Variants in CDK10 observed in about 807,000 individuals in gnomAD.
CDK10 encodes the protein cyclin dependent kinase 10.
CDK10 carries 55 observed loss-of-function variants against 51.0 expected under a neutral mutation model. The observed-to-expected ratio is 1.08, with a 90% CI of 0.87 to 1.35. The LOEUF (loss-of-function observed/expected upper bound fraction) is 1.35, where lower values mean the gene tolerates loss of function less well. CDK10 is among the 40% of genes most tolerant of loss of function. The probability of loss-of-function intolerance (pLI) is 0.00; values close to 1 mark genes in which losing one functional copy is unlikely to be tolerated. For synonymous variants in CDK10, 255 were observed against 199.1 expected (o/e 1.28, Z -2.36); for missense variants, 589 against 485.1 (o/e 1.21, Z -2.01).
At chr16:89,691,998 C>G in intron 5 of CDK10, 111 bp downstream of exon 5, 1 of 810,978 alleles carries the variant, frequency 1.2e-6, no homozygotes, top group Non-Finnish European at 2.0e-6. Flanking sequence ...GCTGCCTCTG[C>G]CTCCACCTCC....
chr16:89,690,668 G>A (rs375985038), intron 3 of CDK10, 44 bp downstream of exon 3: 19 of 1,513,682 alleles, frequency 1.3e-5, no homozygotes, highest in South Asian at 1.1e-4. Flanking sequence ...CTGGGAGGAG[G>A]CAGAAGGATG....
At chr16:89,692,749 G>T (rs1171768500) in intron 6 of CDK10, 2 of 391,724 alleles carry the variant, frequency 5.1e-6, no homozygotes, top group African/African-American at 2.1e-5. Context: ...AAAGTGCTGG[G>T]ATTACAGGTG....
rs1384538840 is a variant in CDK10 at position 89,694,704 on chromosome 16, G to C, written c.708G>C (p.Arg236Ser). The change falls in exon 10 of 13, where the codon AGG becomes AGC. Residue 236 changes from arginine (R) to serine (S), a missense_variant. Transcript: ENST00000353379. ...TACTGGCCGAGCTGCTGGCGCACAG[G>C]CCTCTTCTCCCCGGCACTTCCGAGA... The part of the protein sequence containing the change: ...GCILAELLAH[R>S]PLLPGTSEIH... 1 of 1,586,930 alleles carries C rather than the reference G, an allele frequency of 6.3e-7. No individual in the cohort carries two copies. The highest frequency in any genetic ancestry group is 8.6e-7 in the Non-Finnish European group (1 of 1,167,476).
intron 1 of CDK10, among the ~76,000 whole-genome samples, chr16:89,687,988 G>C (rs2060273204): frequency 6.6e-6 from 1 of 151,720 alleles, no homozygotes; most frequent in Non-Finnish European, 1.5e-5. Context: ...GAGGTGGGAG[G>C]ATTGCTTGAG....
chr16:89,694,871 T>C (rs2060635199), intron 10 of CDK10, 60 bp from the exon 11 acceptor site: 1 of 1,537,466 alleles, frequency 6.5e-7, no homozygotes, highest in East Asian at 2.5e-5. Context: ...CCACGCCCTC[T>C]GCGCCCGCAG....
intron 3 of CDK10, among the ~76,000 whole-genome samples, chr16:89,691,068 C>G (rs925383487): frequency 1.3e-5 from 2 of 152,176 alleles, no homozygotes; most frequent in African/African-American, 4.8e-5. Flanking sequence ...GGCGGATCAC[C>G]TGAGGTCGGC....
chr16:89,691,436 T>A lies in CDK10; in HGVS notation c.233-7T>A, dbSNP rs562096833. The A allele has an allele frequency of 1.1e-5, 17 of 1,597,570 alleles. No individual in the cohort carries two copies. The African/African-American group carries it at 2.1e-4, about 20-fold the overall frequency. On this transcript the variant is annotated splice_polypyrimidine_tract_variant and splice_region_variant and intron_variant, in intron 3 of 12. Coordinates refer to ENST00000353379, the MANE Select transcript of CDK10 (RefSeq NM_052988.5). ...GTGGGGCTCGCTGAGGCCACCTCCCTCCCCAGGCATCCCCATCAGCAGCTT... is the reference window on the plus strand; with the variant it reads ...GTGGGGCTCGCTGAGGCCACCTCCCACCCCAGGCATCCCCATCAGCAGCTT...
At chr16:89,693,785 A>G (rs939400582) in intron 8 of CDK10, 2 of 547,092 alleles carry the variant, frequency 3.7e-6, no homozygotes, top group East Asian at 6.3e-5. Flanking sequence ...GGCAGCTTGC[A>G]TGCTTTCCCT....
At chr16:89,689,575 C>G (rs148903612) in intron 2 of CDK10, 9 of 471,990 alleles carry the variant, frequency 1.9e-5, no homozygotes, top group Middle Eastern at 5.9e-4. Flanking sequence ...GTACACAGAA[C>G]TGTTAGAGAA....
intron 10 of CDK10, 64 bp downstream of exon 10, chr16:89,694,852 C>T (rs1250459455): frequency 2.6e-6 from 4 of 1,519,842 alleles, no homozygotes; most frequent in South Asian, 1.2e-5. Flanking sequence ...CCGCAGCCCC[C>T]GCCCGTGCCC....
In CDK10 at chr16:89,695,729, G is replaced by T. The variant is rs775335780; in HGVS notation, c.*37G>T. On this transcript the variant is annotated 3_prime_UTR_variant, in exon 13 of 13. Coordinates refer to ENST00000353379, the MANE Select transcript of CDK10 (RefSeq NM_052988.5). ...GCACACGCCTGTATTCCCACACCAGGTCTTCCGATCAGTGGTGTCTGTGAA... is the reference window on the plus strand; with the variant it reads ...GCACACGCCTGTATTCCCACACCAGTTCTTCCGATCAGTGGTGTCTGTGAA... The T allele has an allele frequency of 1.9e-6, 3 of 1,591,040 alleles. No homozygotes were observed. The South Asian group carries it at 3.4e-5, about 18-fold the overall frequency.
chr16:89,689,270 G>A lies in CDK10; in HGVS notation c.106G>A (p.Val36Met), dbSNP rs1452795267. 1.2e-6 allele frequency: 2 copies of A among 1,614,150 alleles called. No homozygotes were observed. The highest frequency in any genetic ancestry group is 1.7e-6 in the Non-Finnish European group (2 of 1,180,020). Residue 36 changes from valine (V) to methionine (M), a missense_variant, in exon 2 of 13, where the codon GTG (valine) becomes ATG (methionine). By Grantham distance (21) the Val-to-Met change is conservative. Coordinates refer to ENST00000353379, the MANE Select transcript of CDK10 (RefSeq NM_052988.5). ...PEHRLGRCRS[V>M]KEFEKLNRIG... ...GTTTCAGCTGGGACGATGCCGGAGTGTGAAGGAGTTTGAGAAGCTGAACCG... is the reference window on the plus strand; with the variant it reads ...GTTTCAGCTGGGACGATGCCGGAGTATGAAGGAGTTTGAGAAGCTGAACCG...
intron 12 of CDK10, 40 bp from the exon 13 acceptor site, chr16:89,695,555 G>T: frequency 6.4e-7 from 1 of 1,574,656 alleles, no homozygotes; most frequent in Non-Finnish European, 8.6e-7. Flanking sequence ...CTCCTATCTG[G>T]GGCCCTGCCC....
intron 8 of CDK10, chr16:89,693,741 CTG>C (rs2060563646): frequency 1.8e-6 from 1 of 568,454 alleles, no homozygotes; most frequent in African/African-American, 1.9e-5. Context: ...GAAACCATCT[CTG>C]GAGGGAAGGC....
Position 89,692,517 on chromosome 16 carries a change from G to T in CDK10, c.485+1G>T. The T allele has an allele frequency of 6.3e-7, 1 of 1,585,774 alleles. No individual in the cohort carries two copies. Among genetic ancestry groups the T allele is most frequent in the Non-Finnish European group, 8.6e-7 (1 of 1,165,836 alleles). On this transcript the variant is annotated splice_donor_variant, in intron 6 of 12. Transcript: ENST00000353379. LOFTEE classifies it high-confidence loss of function. ...TGCACAGGAACTTCATTATCCACAGGTGGGTGACAGCTAGGCAGAGTTGGA... is the reference window on the plus strand; with the variant it reads ...TGCACAGGAACTTCATTATCCACAGTTGGGTGACAGCTAGGCAGAGTTGGA...
At position 89,696,084 on chromosome 16, in the gene CDK10, T is replaced by A. The variant is rs1016088954; in HGVS notation, c.*392T>A. ...CTGGGATGAGAGGGCCCAGAAGACCTTCGTATCCCCTCTCAGTCGCCCGGG... is the reference window on the plus strand; with the variant it reads ...CTGGGATGAGAGGGCCCAGAAGACCATCGTATCCCCTCTCAGTCGCCCGGG... On this transcript the variant is annotated 3_prime_UTR_variant, in exon 13 of 13. Coordinates refer to ENST00000353379, the MANE Select transcript of CDK10 (RefSeq NM_052988.5). The A allele has an allele frequency of 1.9e-5, 10 of 519,554 alleles. No individual in the cohort carries two copies. Among genetic ancestry groups the A allele is most frequent in the African/African-American group, 1.9e-4 (10 of 51,972 alleles). 32.2% of individuals were successfully genotyped at this position (519,554 alleles called of 1,614,324 possible). A position where few individuals can be genotyped will look rare whatever the true frequency, so the allele number is the denominator to read the frequency against.
chr16:89,692,458 A>C lies in CDK10; in HGVS notation c.427A>C (p.Ile143Leu), dbSNP rs558859177. Residue 143 changes from isoleucine to leucine, a missense_variant, in exon 6 of 13, where the codon ATC becomes CTC. Ile to Leu is a conservative substitution (Grantham distance 5). Transcript: ENST00000353379. ...TPFSEAQVKC[I>L]VLQVLRGLQY... ...CTGACCCTCTGCACAGGTCAAGTGC[A>C]TCGTGCTGCAGGTGCTCCGGGGCCT... 7.1e-5 allele frequency: 113 copies of C among 1,592,342 alleles called. No homozygotes were observed. The highest frequency in any genetic ancestry group is 9.0e-5 in the Non-Finnish European group (105 of 1,169,434).
rs199980902 is a variant in CDK10 at position 89,686,778 on chromosome 16, C to T, written c.68C>T (p.Thr23Met). 1.4e-4 allele frequency: 224 copies of T among 1,612,078 alleles called. No homozygotes were observed. Among genetic ancestry groups the T allele is most frequent in the Non-Finnish European group, 1.9e-4 (220 of 1,179,078 alleles). Reference protein sequence around the residue: ...LKCIRKEGFFTVPPEHRLGRC... With the variant: ...LKCIRKEGFFMVPPEHRLGRC... ...TGTATTCGTAAGGAGGGCTTCTTCA[C>T]GGTGCCTCCGGAACACAGGGTGCGC... The change falls in exon 1 of 13, where the codon ACG becomes ATG. Residue 23 changes from threonine (T) to methionine (M), a missense_variant. By Grantham distance (81) the Thr-to-Met change is moderately conservative. Coordinates refer to ENST00000353379, the MANE Select transcript of CDK10 (RefSeq NM_052988.5).
Position 89,694,341 on chromosome 16 carries a change from G to A in CDK10, c.668+109G>A, listed in dbSNP as rs1278961591. 1.0e-5 allele frequency: 12 copies of A among 1,176,430 alleles called. No homozygotes were observed. In the South Asian group the frequency reaches 1.4e-4, roughly 14 times the overall value. The allele number at this position is 1,176,430 out of a possible 1,614,324, so 72.9% of individuals were successfully genotyped here. A position where few individuals can be genotyped will look rare whatever the true frequency, so the allele number is the denominator to read the frequency against. Reference sequence around the variant, plus strand: ...AGGGGAGGGGCAGGAGTGCAGTGGGGTCTTTGCCAGCCTCCCACTCCCAGG... The same window carrying A: ...AGGGGAGGGGCAGGAGTGCAGTGGGATCTTTGCCAGCCTCCCACTCCCAGG... On this transcript the variant is annotated intron_variant, in intron 9 of 12. Coordinates refer to ENST00000353379, the MANE Select transcript of CDK10 (RefSeq NM_052988.5).
Sources: allele counts gnomAD v4.1 joint callset (sites outside exome capture counted in the v4.1 genomes callset), GRCh38; gene constraint gnomAD v4.1.1; transcripts MANE v1.5; gene names NCBI Gene and HGNC (gene_info 2026-07-23, HGNC 2026-07-21).